SLC35F2: variants seen among roughly 807,000 people sequenced by gnomAD.
SLC35F2 encodes solute carrier family 35 member F2.
Under a neutral mutation model 38.1 loss-of-function variants are expected in SLC35F2, and 25 were observed. The observed-to-expected ratio is 0.66, with a 90% CI of 0.48 to 0.92. The LOEUF (loss-of-function observed/expected upper bound fraction) is 0.92, where lower values mean the gene tolerates loss of function less well. Ranked by LOEUF, SLC35F2 falls within the 40% of genes least tolerant of loss-of-function variation. The pLI is 0.00. For synonymous variants in SLC35F2, 173 were observed against 181.7 expected, an observed-to-expected ratio of 0.95 and a Z score of 0.38; for missense variants, 409 against 452.9, an observed-to-expected ratio of 0.90 and a Z score of 0.88.
chr11:107,805,530 G>A lies in SLC35F2; in HGVS notation c.575-15C>T, dbSNP rs1331371877. ...TACATCACTCCCTGCAGGAAGACAAGCCACAGAAAGCAAAACACTGTCAAC... is the reference window on the plus strand; with the variant it reads ...TACATCACTCCCTGCAGGAAGACAAACCACAGAAAGCAAAACACTGTCAAC... On this transcript the variant is annotated splice_polypyrimidine_tract_variant and intron_variant, in intron 4 of 7. Coordinates refer to ENST00000525815, the MANE Select transcript of SLC35F2 (RefSeq NM_017515.5). 5 of 1,608,722 alleles carry A rather than the reference G, an allele frequency of 3.1e-6. No individual in the cohort carries two copies. The highest frequency in any genetic ancestry group is 4.2e-6 in the Non-Finnish European group (5 of 1,177,908).
chr11:107,820,766 G>A (rs1293492146), intron 1 of SLC35F2, among the ~76,000 whole-genome samples: 1 of 152,134 alleles, frequency 6.6e-6, no homozygotes, highest in Non-Finnish European at 1.5e-5. Context: ...GACCAACCTG[G>A]CTGACATAGT....
intron 1 of SLC35F2, among the ~76,000 whole-genome samples, chr11:107,842,003 T>C (rs894203320): frequency 3.4e-5 from 5 of 146,978 alleles, no homozygotes; most frequent in Non-Finnish European, 7.5e-5. Flanking sequence ...GAGGTGGAGG[T>C]TGCAGTGAGC....
chr11:107,803,369 A>T, intron 6 of SLC35F2: 1 of 985,410 alleles, frequency 1.0e-6, no homozygotes, highest in Non-Finnish European at 1.2e-6. Context: ...ACCTCAAAAA[A>T]TCCAACAAGG....
chr11:107,818,072 A>AAAAGAAAGAAAG (rs1163903791), intron 1 of SLC35F2, among the ~76,000 whole-genome samples: 2,271 of 68,376 alleles, frequency 0.033, 71 homozygotes, highest in East Asian at 0.06. Context: ...AAAAAAAAAA[A>AAAAGAAAGAAAG]AAAGAAAGAA....
intron 2 of SLC35F2, among the ~76,000 whole-genome samples, chr11:107,813,199 C>T (rs967002179): frequency 5.9e-5 from 9 of 152,268 alleles, no homozygotes; most frequent in Non-Finnish European, 1.0e-4. Flanking sequence ...AATCCCAGCA[C>T]ATTGGGAGGC....
chr11:107,852,550 C>CA (rs550992360), intron 1 of SLC35F2, among the ~76,000 whole-genome samples: 187 of 58,426 alleles, frequency 3.2e-3, no homozygotes, highest in South Asian at 0.019. Flanking sequence ...GACTCCACCT[C>CA]AAAAAAAAAA....
intron 7 of SLC35F2, among the ~76,000 whole-genome samples, chr11:107,797,981 ATTT>A (rs869302891): frequency 6.9e-6 from 1 of 143,922 alleles, no homozygotes; most frequent in Non-Finnish European, 1.5e-5. Context: ...TTAAGTTGGT[ATTT>A]TTTATTTTTT....
At chr11:107,808,253 C>T (rs1859428334) in intron 3 of SLC35F2, among the ~76,000 whole-genome samples, 1 of 152,082 alleles carries the variant, frequency 6.6e-6, no homozygotes, top group Non-Finnish European at 1.5e-5. Flanking sequence ...ATACTGGGTC[C>T]AGAAAACACT....
intron 1 of SLC35F2, among the ~76,000 whole-genome samples, chr11:107,856,033 A>C (rs989673043): frequency 1.4e-5 from 2 of 145,388 alleles, no homozygotes; most frequent in Non-Finnish European, 3.0e-5. Flanking sequence ...TGAACCCGGG[A>C]GGCAGAGGTT....
At chr11:107,801,300 A>G (rs1394511359) in intron 7 of SLC35F2, among the ~76,000 whole-genome samples, 2 of 152,224 alleles carry the variant, frequency 1.3e-5, no homozygotes, top group Non-Finnish European at 2.9e-5. Flanking sequence ...TAGAAGCTAC[A>G]TGATATGTGA....
chr11:107,850,004 T>C (rs187857003), intron 1 of SLC35F2, among the ~76,000 whole-genome samples: 23 of 152,190 alleles, frequency 1.5e-4, no homozygotes, highest in Middle Eastern at 3.4e-3. Context: ...ATTCCTCACC[T>C]ACCCTCTCCA....
At chr11:107,793,284 G>A (rs1859163202) in intron 7 of SLC35F2, among the ~76,000 whole-genome samples, 1 of 152,170 alleles carries the variant, frequency 6.6e-6, no homozygotes, top group African/African-American at 2.4e-5. Flanking sequence ...ATGTATGCTG[G>A]TGAATGATGG....
At chr11:107,819,449 T>A (rs1411508796) in intron 1 of SLC35F2, among the ~76,000 whole-genome samples, 1 of 152,168 alleles carries the variant, frequency 6.6e-6, no homozygotes, top group Non-Finnish European at 1.5e-5. Flanking sequence ...ACAGGTAGCA[T>A]TCTTTCTAAG....
At chr11:107,856,884 AAGGGAGGGAGGGAAGGAAGGAAGGGAGGG>A (rs1303361187) in intron 1 of SLC35F2, among the ~76,000 whole-genome samples, 5 of 82,248 alleles carry the variant, frequency 6.1e-5, no homozygotes, top group East Asian at 4.6e-4. Flanking sequence ...GGAAGGAAGG[AAGGGAGGGAGGGAAGGAAGGAAGGGAGGG>A]AGGGAGGGAG....
intron 7 of SLC35F2, among the ~76,000 whole-genome samples, chr11:107,797,125 T>A (rs1218929893): frequency 6.6e-6 from 1 of 152,238 alleles, no homozygotes; most frequent in Non-Finnish European, 1.5e-5. Context: ...AGTCTATGCA[T>A]GTAACAAAAT....
chr11:107,818,362 C>T (rs1859617090), intron 1 of SLC35F2, among the ~76,000 whole-genome samples: 1 of 152,014 alleles, frequency 6.6e-6, no homozygotes, highest in African/African-American at 2.4e-5. Flanking sequence ...ACCCAAGAGG[C>T]AGAGGTTAGA....
At chr11:107,837,443 T>G (rs1859946213) in intron 1 of SLC35F2, among the ~76,000 whole-genome samples, 1 of 150,958 alleles carries the variant, frequency 6.6e-6, no homozygotes, top group Non-Finnish European at 1.5e-5. Context: ...ATCCCAGCAC[T>G]TTGGGAGGCC....
intron 7 of SLC35F2, among the ~76,000 whole-genome samples, chr11:107,797,034 T>C (rs1337999979): frequency 2.6e-5 from 4 of 152,182 alleles, no homozygotes; most frequent in Non-Finnish European, 5.9e-5. Context: ...GTTCTAATGT[T>C]TGACAGCAGA....
intron 1 of SLC35F2, among the ~76,000 whole-genome samples, chr11:107,845,284 T>A (rs1305719291): frequency 6.6e-6 from 1 of 151,984 alleles, no homozygotes; most frequent in African/African-American, 2.4e-5. Flanking sequence ...TTAAGTACCC[T>A]TACATTTTTA....
Sources: allele counts gnomAD v4.1 joint callset (sites outside exome capture counted in the v4.1 genomes callset), GRCh38; gene constraint gnomAD v4.1.1; transcripts MANE v1.5; gene names NCBI Gene and HGNC (gene_info 2026-07-23, HGNC 2026-07-21).